SMC3: variants seen among roughly 807,000 people sequenced by gnomAD.
SMC3 encodes structural maintenance of chromosomes 3, also known as structural maintenance of chromosomes protein 3.
SMC3 carries 20 observed loss-of-function variants against 171.8 expected under a neutral mutation model. That is an observed-to-expected ratio of 0.12 (90% confidence interval 0.08 to 0.17). The LOEUF is 0.17. Ranked by LOEUF, SMC3 falls within the 10% of genes least tolerant of loss-of-function variation. SMC3 has a pLI of 1.00. For synonymous variants in SMC3, 464 were observed against 451.1 expected, an observed-to-expected ratio of 1.03 and a Z score of -0.36; for missense variants, 543 against 1,420.4, an observed-to-expected ratio of 0.38 and a Z score of 9.93.
At chr10:110,582,675 C>A in intron 10 of SMC3, 33 bp downstream of exon 10, 2 of 1,512,606 alleles carry the variant, frequency 1.3e-6, no homozygotes, top group Admixed American at 1.7e-5. Flanking sequence ...TGTTAACTTA[C>A]TTTTTACTTT....
chr10:110,586,981 T>C (rs1297882669), intron 13 of SMC3, among the ~76,000 whole-genome samples: 2 of 152,218 alleles, frequency 1.3e-5, no homozygotes, highest in East Asian at 3.9e-4. Flanking sequence ...CCTCTTGGTA[T>C]AATCCTAAAT....
chr10:110,573,649 C>T (rs541228453), intron 2 of SMC3, 58 bp from the exon 3 acceptor site: 3 of 1,157,732 alleles, frequency 2.6e-6, no homozygotes, highest in Non-Finnish European at 3.9e-6. Flanking sequence ...AAAAGGTAAA[C>T]AGTTTTAATT....
At position 110,567,764 on chromosome 10, in the gene SMC3, C is replaced by G; in HGVS notation, c.-53C>G. 1 of 1,611,258 alleles carries G rather than the reference C, an allele frequency of 6.2e-7. No homozygotes were observed. The highest frequency in any genetic ancestry group is 8.5e-7 in the Non-Finnish European group (1 of 1,178,070). ...TAGGCGCCTCACCTGACCCTGCGGC[C>G]GTGCGGTTGCTGCTCCGGGGCAGGT... On this transcript the variant is annotated 5_prime_UTR_variant, in exon 1 of 29. Transcript: ENST00000361804.
Position 110,590,454 on chromosome 10 carries a change from C to A in SMC3, c.1552C>A (p.His518Asn), listed in dbSNP as rs751904655. 3.1e-6 allele frequency: 5 copies of A among 1,613,976 alleles called. No homozygotes were observed. Among genetic ancestry groups the A allele is most frequent in the Non-Finnish European group, 4.2e-6 (5 of 1,179,884 alleles). The stretch of plus-strand genomic sequence containing the variant: ...AGACAGCATAAACAAAGTGCTAGAC[C>A]ACTTCCGTCGAAAAGGAATAAACCA... The part of the protein sequence containing the change: ...GIDSINKVLD[H>N]FRRKGINQHV... The change falls in exon 16 of 29, where the codon CAC becomes AAC. Residue 518 changes from histidine to asparagine, a missense_variant. Coordinates refer to ENST00000361804, the MANE Select transcript of SMC3 (RefSeq NM_005445.4).
Position 110,577,825 on chromosome 10 carries a change from T to C in SMC3, c.271-10T>C. On this transcript the variant is annotated splice_polypyrimidine_tract_variant and intron_variant, in intron 5 of 28. Transcript: ENST00000361804. ...TTAAATTAACTGTGGGCTTTTACATTTTTTCTTAGATCGATAAAGAGGAAG... is the reference window on the plus strand; with the variant it reads ...TTAAATTAACTGTGGGCTTTTACATCTTTTCTTAGATCGATAAAGAGGAAG... 1 of 1,598,770 alleles carries C rather than the reference T, an allele frequency of 6.3e-7. No individual in the cohort carries two copies. The highest frequency in any genetic ancestry group is 8.6e-7 in the Non-Finnish European group (1 of 1,166,704).
At chr10:110,595,915 T>G (rs11195207) in intron 18 of SMC3, among the ~76,000 whole-genome samples, 16,097 of 99,112 alleles carry the variant, frequency 0.16, 1,139 homozygotes, top group East Asian at 0.32. Flanking sequence ...CAACTGGAGG[T>G]TCTTTTTTTT....
chr10:110,570,250 G>GTT (rs1271833740), intron 2 of SMC3, among the ~76,000 whole-genome samples: 1 of 152,178 alleles, frequency 6.6e-6, no homozygotes, highest in East Asian at 1.9e-4. Flanking sequence ...GGTGTCAGTT[G>GTT]TTTCAGGGTG....
At chr10:110,599,909 T>G in intron 21 of SMC3, 97 bp downstream of exon 21, 1 of 1,122,120 alleles carries the variant, frequency 8.9e-7, no homozygotes, top group Non-Finnish European at 1.3e-6. Context: ...AGAAAAGAAC[T>G]GAGAAAATAT....
chr10:110,578,800 A>G (rs565657245), intron 7 of SMC3, 94 bp downstream of exon 7: 72 of 926,926 alleles, frequency 7.8e-5, no homozygotes, highest in Non-Finnish European at 1.2e-4. Flanking sequence ...GGTTAAGCTG[A>G]AGCAAAAATG....
Position 110,591,084 on chromosome 10 carries a change from G to T in SMC3, c.1764G>T (p.Leu588=), listed in dbSNP as rs765416265. 6.2e-7 allele frequency: 1 copy of T among 1,613,720 alleles called. No individual in the cohort carries two copies. Among genetic ancestry groups the T allele is most frequent in the South Asian group, 1.1e-5 (1 of 91,070 alleles). Residue 588 remains leucine, a synonymous_variant, in exon 17 of 29, where the codon CTG becomes CTT. Transcript: ENST00000361804. The part of the protein sequence containing the change: ...KMNLPGEVTF[L]PLNKLDVRDT... ...ATCTTCCTGGAGAGGTTACTTTTCTGCCTCTTAACAAGTTAGATGTCAGGG... is the reference window on the plus strand; with the variant it reads ...ATCTTCCTGGAGAGGTTACTTTTCTTCCTCTTAACAAGTTAGATGTCAGGG...
Position 110,605,225 on chromosome 10 carries a change from A to AT in SMC3, c.*930dup, listed in dbSNP as rs1256501208. Among the ~76,000 whole-genome samples the AT allele has an allele frequency of 1.3e-5, 2 of 151,988 alleles. No homozygotes were observed. Among genetic ancestry groups the AT allele is most frequent in the Admixed American group, 6.6e-5 (1 of 15,252 alleles). ...CCAGGTTTCTTTGTTGTGAAGTTACATTTTTTTCCCTTTCCATACTACTCT... is the reference window on the plus strand; with the variant it reads ...CCAGGTTTCTTTGTTGTGAAGTTACATTTTTTTTCCCTTTCCATACTACTCT... On this transcript the variant is annotated 3_prime_UTR_variant, in exon 29 of 29. Coordinates refer to ENST00000361804, the MANE Select transcript of SMC3 (RefSeq NM_005445.4).
chr10:110,573,560 G>T, intron 2 of SMC3, 147 bp from the exon 3 acceptor site: 1 of 428,986 alleles, frequency 2.3e-6, no homozygotes. Context: ...TTGTTTTATT[G>T]GTTTCTTTTG....
intron 18 of SMC3, among the ~76,000 whole-genome samples, chr10:110,594,279 G>T (rs1447432058): frequency 6.6e-6 from 1 of 150,848 alleles, no homozygotes; most frequent in Non-Finnish European, 1.5e-5. Context: ...AAATACTTTG[G>T]ATCACAAAGG....
chr10:110,590,673 T>G, intron 16 of SMC3, 101 bp downstream of exon 16: 2 of 1,004,112 alleles, frequency 2.0e-6, no homozygotes, highest in South Asian at 2.8e-5. Context: ...CATTATCTTT[T>G]TATATCTCGG....
intron 6 of SMC3, 151 bp downstream of exon 6, chr10:110,578,065 C>G (rs1450931216): frequency 1.6e-6 from 1 of 637,872 alleles, no homozygotes; most frequent in Non-Finnish European, 2.8e-6. Context: ...TGAGCCACCA[C>G]GCCCAGCCAG....
chr10:110,582,195 T>C (rs1861041386), intron 9 of SMC3, 97 bp downstream of exon 9: 3 of 1,130,860 alleles, frequency 2.7e-6, no homozygotes, highest in African/African-American at 3.1e-5. Context: ...TGATTTTAAA[T>C]AGAAACTTAA....
intron 20 of SMC3, 48 bp from the exon 21 acceptor site, chr10:110,599,601 TATAAG>T: frequency 1.3e-6 from 2 of 1,495,260 alleles, no homozygotes; most frequent in South Asian, 2.4e-5. Flanking sequence ...AAATTTTCAC[TATAAG>T]TAATACAGTG....
intron 13 of SMC3, among the ~76,000 whole-genome samples, chr10:110,588,996 TCA>T (rs1861166169): frequency 6.6e-6 from 1 of 152,156 alleles, no homozygotes; most frequent in African/African-American, 2.4e-5. Flanking sequence ...AAGATTTAGA[TCA>T]CTAATGAACA....
intron 18 of SMC3, among the ~76,000 whole-genome samples, chr10:110,594,181 ATTT>A (rs1010063955): frequency 6.8e-6 from 1 of 146,636 alleles, no homozygotes. Flanking sequence ...ATCCTTCACA[ATTT>A]TTTTTTTAAT....
Sources: allele counts gnomAD v4.1 joint callset (sites outside exome capture counted in the v4.1 genomes callset), GRCh38; gene constraint gnomAD v4.1.1; transcripts MANE v1.5; gene names NCBI Gene and HGNC (gene_info 2026-07-23, HGNC 2026-07-21).